SCAPER: variants seen among roughly 807,000 people sequenced by gnomAD.
The protein encoded by SCAPER is S-phase cyclin A associated protein in the ER, also known as S phase cyclin A-associated protein in the endoplasmic reticulum.
Under a neutral mutation model 182.2 loss-of-function variants are expected in SCAPER, and 98 were observed. The ratio of observed to expected loss-of-function variants is 0.54; its 90% CI spans 0.46 to 0.64. The LOEUF (loss-of-function observed/expected upper bound fraction) is 0.64, where lower values mean the gene tolerates loss of function less well. SCAPER is among the 30% of genes least tolerant of loss of function. SCAPER has a pLI of 0.00. For synonymous variants in SCAPER, 605 were observed against 564.6 expected (o/e 1.07, Z -1.01); for missense variants, 1,432 against 1,690.0 (o/e 0.85, Z 2.68).
chr15:76,561,349 G>A (rs1261546007), intron 23 of SCAPER, among the ~76,000 whole-genome samples: 4 of 151,914 alleles, frequency 2.6e-5, no homozygotes, highest in Non-Finnish European at 1.5e-5. Context: ...CTTACCTATT[G>A]TAATAATTGA....
At chr15:76,413,243 T>C (rs2142240085) in intron 26 of SCAPER, among the ~76,000 whole-genome samples, 1 of 152,312 alleles carries the variant, frequency 6.6e-6, no homozygotes, top group Non-Finnish European at 1.5e-5. Context: ...CTTACTGAAC[T>C]AGCTAGAACT....
chr15:76,867,777 C>T (rs894850819), intron 2 of SCAPER, among the ~76,000 whole-genome samples: 8 of 152,194 alleles, frequency 5.3e-5, no homozygotes, highest in African/African-American at 1.9e-4. Flanking sequence ...ACAGAGACTA[C>T]AATATGCATC....
chr15:76,546,152 C>A (rs2144840011), intron 23 of SCAPER, among the ~76,000 whole-genome samples: 1 of 152,040 alleles, frequency 6.6e-6, no homozygotes, highest in Middle Eastern at 3.4e-3. Flanking sequence ...GGTTTAGTAC[C>A]CTTCCCAGGA....
intron 20 of SCAPER, among the ~76,000 whole-genome samples, chr15:76,678,088 T>A (rs758708562): frequency 1.1e-3 from 167 of 152,150 alleles, no homozygotes; most frequent in Non-Finnish European, 2.1e-3. Flanking sequence ...ATTTAGAATA[T>A]TCAAAGATAC....
intron 23 of SCAPER, among the ~76,000 whole-genome samples, chr15:76,552,712 A>G (rs570997706): frequency 6.6e-5 from 10 of 152,286 alleles, no homozygotes; most frequent in Non-Finnish European, 1.2e-4. Context: ...GAACTGATGC[A>G]GTGCAGCATG....
intron 4 of SCAPER, among the ~76,000 whole-genome samples, chr15:76,843,558 A>G (rs1357546907): frequency 6.6e-6 from 1 of 152,238 alleles, no homozygotes; most frequent in Non-Finnish European, 1.5e-5. Context: ...TATGATTATC[A>G]TAAGAAAGAC....
chr15:76,735,328 G>A (rs751044500), intron 15 of SCAPER, among the ~76,000 whole-genome samples: 2 of 151,986 alleles, frequency 1.3e-5, no homozygotes, highest in African/African-American at 2.4e-5. Context: ...AGCCATGATC[G>A]CGCCACTAAA....
intron 27 of SCAPER, among the ~76,000 whole-genome samples, chr15:76,387,548 T>C (rs72738812): frequency 6.6e-6 from 1 of 152,346 alleles, no homozygotes; most frequent in Non-Finnish European, 1.5e-5. Flanking sequence ...TAGAAACTTA[T>C]TCTAGTGAGT....
intron 4 of SCAPER, among the ~76,000 whole-genome samples, chr15:76,846,000 A>G (rs926324779): frequency 6.6e-6 from 1 of 152,198 alleles, no homozygotes; most frequent in African/African-American, 2.4e-5. Context: ...ACAGACACAC[A>G]GATCAATGGA....
At chr15:76,363,723 A>G (rs1222497533) in intron 29 of SCAPER, among the ~76,000 whole-genome samples, 3 of 152,250 alleles carry the variant, frequency 2.0e-5, no homozygotes, top group Non-Finnish European at 2.9e-5. Context: ...ATTAAAAAAG[A>G]CAGCAGAGAG....
chr15:76,854,948 G>A (rs1043115007), intron 4 of SCAPER, among the ~76,000 whole-genome samples: 1 of 151,480 alleles, frequency 6.6e-6, no homozygotes, highest in African/African-American at 2.4e-5. Flanking sequence ...CTCCAGCCTG[G>A]GTGACAGAGC....
At chr15:76,869,946 C>T (rs1166446848) in intron 2 of SCAPER, among the ~76,000 whole-genome samples, 1 of 152,086 alleles carries the variant, frequency 6.6e-6, no homozygotes, top group East Asian at 1.9e-4. Flanking sequence ...CTTGCAACAA[C>T]ATAGATGGAA....
intron 22 of SCAPER, among the ~76,000 whole-genome samples, chr15:76,589,026 C>G (rs1030265875): frequency 3.9e-5 from 6 of 152,078 alleles, no homozygotes; most frequent in Non-Finnish European, 8.8e-5. Flanking sequence ...TCTAGCCACA[C>G]AGCAGGACTA....
chr15:76,621,629 C>T (rs772060431), intron 22 of SCAPER, 135 bp downstream of exon 22: 2 of 738,566 alleles, frequency 2.7e-6, no homozygotes, highest in Non-Finnish European at 4.4e-6. Flanking sequence ...TAGTTGGATA[C>T]TACTGTGTTA....
chr15:76,522,048 G>A (rs1384397985), intron 23 of SCAPER, among the ~76,000 whole-genome samples: 1 of 152,080 alleles, frequency 6.6e-6, no homozygotes, highest in African/African-American at 2.4e-5. Flanking sequence ...AGAATTTAGT[G>A]TAAATTACAC....
intron 20 of SCAPER, among the ~76,000 whole-genome samples, chr15:76,684,036 C>A (rs2057889322): frequency 6.6e-6 from 1 of 152,054 alleles, no homozygotes; most frequent in African/African-American, 2.4e-5. Context: ...TTCATTACCA[C>A]AGACCTGCCT....
intron 16 of SCAPER, among the ~76,000 whole-genome samples, chr15:76,732,568 G>A (rs4886827): frequency 0.14 from 20,776 of 152,002 alleles, 2,089 homozygotes; most frequent in East Asian, 0.46. Context: ...ATTGCCAAGC[G>A]GACCGTGGTC....
chr15:76,671,228 G>A (rs991726868), intron 20 of SCAPER, among the ~76,000 whole-genome samples: 15 of 152,114 alleles, frequency 9.9e-5, no homozygotes, highest in Non-Finnish European at 4.4e-5. Flanking sequence ...AGCTCCATGG[G>A]AGGCTGAGGT....
chr15:76,795,330 G>A lies in SCAPER; in HGVS notation c.722C>T (p.Pro241Leu). The change falls in exon 8 of 32, where the codon CCC becomes CTC. Residue 241 changes from proline to leucine, a missense_variant. This residue lies in a region of SCAPER where 480 missense variants were observed against 510.2 expected (regional missense o/e 0.94). Coordinates refer to ENST00000563290, the MANE Select transcript of SCAPER (RefSeq NM_020843.4). ...TGSTASSEIT[P>L]AQSCPPMTVQ... ...TGTCATTGGTGGGCAAGACTGGGCG[G>A]GTGTTATTTCTGAAGAAGCAGTAGA... 1 of 1,613,188 alleles carries A rather than the reference G, an allele frequency of 6.2e-7. No individual in the cohort carries two copies. The highest frequency in any genetic ancestry group is 8.5e-7 in the Non-Finnish European group (1 of 1,179,430).
Sources: gnomAD v4.1 joint callset for allele counts (sites outside exome capture counted in the v4.1 genomes callset) on GRCh38, gnomAD v4.1.1 for gene constraint, gnomAD v4.1.1 regional missense constraint, MANE v1.5 for transcripts, NCBI Gene and HGNC (gene_info 2026-07-23, HGNC 2026-07-21) for gene names.